The following PTPRD variants were observed in gnomAD, a reference collection of about 807,000 sequenced individuals.
PTPRD encodes protein tyrosine phosphatase receptor type D.
PTPRD carries 34 observed loss-of-function variants against 214.5 expected under a neutral mutation model. The ratio of observed to expected loss-of-function variants is 0.16; its 90% CI spans 0.12 to 0.21. The LOEUF (loss-of-function observed/expected upper bound fraction) is 0.21. PTPRD is among the 10% of genes least tolerant of loss of function. The pLI, the probability that PTPRD is intolerant of heterozygous loss-of-function variation, is 1.00. For synonymous variants in PTPRD, 1,128 were observed against 845.7 expected, an observed-to-expected ratio of 1.33 and a Z score of -5.79; for missense variants, 2,545 against 2,398.7, an observed-to-expected ratio of 1.06 and a Z score of -1.27.
chr9:10,472,925 G>C (rs537792702), intron 2 of PTPRD, among the ~76,000 whole-genome samples: 2 of 151,964 alleles, frequency 1.3e-5, no homozygotes, highest in African/African-American at 2.4e-5. Flanking sequence ...TTAAAAGTGA[G>C]TTAAGCAAGA....
intron 2 of PTPRD, among the ~76,000 whole-genome samples, chr9:10,544,283 G>C (rs1271465033): frequency 1.3e-5 from 2 of 152,006 alleles, no homozygotes; most frequent in Admixed American, 6.6e-5. Context: ...AGTTTCATAA[G>C]ATAGTCTAAA....
chr9:10,604,403 G>C (rs543666256), intron 2 of PTPRD, among the ~76,000 whole-genome samples: 7 of 151,720 alleles, frequency 4.6e-5, no homozygotes, highest in Non-Finnish European at 1.0e-4. Flanking sequence ...ATTAAATCCT[G>C]GCATGTTTTC....
chr9:10,588,774 CT>C (rs112759571), intron 2 of PTPRD, among the ~76,000 whole-genome samples: 3,272 of 152,026 alleles, frequency 0.022, 119 homozygotes, highest in African/African-American at 0.074. Flanking sequence ...TCAAATGCCT[CT>C]TTATTAGCAA....
intron 3 of PTPRD, among the ~76,000 whole-genome samples, chr9:10,182,674 T>A (rs909461390): frequency 7.1e-4 from 108 of 152,286 alleles, no homozygotes; most frequent in African/African-American, 2.4e-3. Context: ...AACACTTGAT[T>A]TCACTTTATA....
chr9:8,657,702 C>G (rs753903148), intron 12 of PTPRD, among the ~76,000 whole-genome samples: 3 of 152,122 alleles, frequency 2.0e-5, no homozygotes, highest in African/African-American at 7.2e-5. Flanking sequence ...ATCATGAAAT[C>G]TTTGCCCGTG....
In PTPRD at chr9:9,723,293, A is replaced by G. The variant is rs571362171; in HGVS notation, c.-287+11240T>C. ...AAAATATTACTTTCTCCATTGGGTT[A>G]TCTTGGCACCTTTGTCAAAGATCAG... On this transcript the variant is annotated intron_variant, in intron 7 of 45. Coordinates refer to ENST00000381196, the MANE Select transcript of PTPRD (RefSeq NM_002839.4). Among the ~76,000 whole-genome samples the G allele has an allele frequency of 2.6e-4, 40 of 152,182 alleles. 1 individual carries two copies. The South Asian group carries it at 8.1e-3, about 31-fold the overall frequency.
chr9:8,418,748 A>G (rs2094138201), intron 35 of PTPRD, among the ~76,000 whole-genome samples: 1 of 152,074 alleles, frequency 6.6e-6, no homozygotes, highest in African/African-American at 2.4e-5. Context: ...ATAGCTGTAA[A>G]TTCATAGACT....
At chr9:10,583,687 T>C (rs200889801) in intron 2 of PTPRD, among the ~76,000 whole-genome samples, 1 of 151,768 alleles carries the variant, frequency 6.6e-6, no homozygotes, top group Non-Finnish European at 1.5e-5. Context: ...ACCATGTTAG[T>C]CAGGATGGTC....
At chr9:8,778,865 C>G (rs1278776956) in intron 11 of PTPRD, among the ~76,000 whole-genome samples, 1 of 152,006 alleles carries the variant, frequency 6.6e-6, no homozygotes, top group South Asian at 2.1e-4. Context: ...AGTGAAGTAA[C>G]ACATGTAAAG....
chr9:8,507,162 G>T, intron 22 of PTPRD, 139 bp downstream of exon 22: 2 of 954,370 alleles, frequency 2.1e-6, no homozygotes, highest in Non-Finnish European at 1.4e-6. Flanking sequence ...GGGGAGTCAA[G>T]TTCCTCTTTT....
At chr9:10,079,238 A>C (rs529862865) in intron 3 of PTPRD, among the ~76,000 whole-genome samples, 2 of 152,194 alleles carry the variant, frequency 1.3e-5, no homozygotes, top group African/African-American at 2.4e-5. Context: ...CTGACTGTCT[A>C]ATCTAGGCTG....
chr9:8,376,552 G>A, intron 38 of PTPRD, 55 bp downstream of exon 38: 2 of 1,608,260 alleles, frequency 1.2e-6, no homozygotes, highest in Non-Finnish European at 1.7e-6. Flanking sequence ...CTCAAAAGAA[G>A]CTTTCTTTAA....
intron 31 of PTPRD, 62 bp downstream of exon 31, chr9:8,470,933 G>C (rs2134919060): frequency 1.4e-6 from 2 of 1,455,774 alleles, no homozygotes; most frequent in Admixed American, 3.4e-5. Flanking sequence ...CCAAGGGAGG[G>C]GGGCGGAAAT....
intron 10 of PTPRD, among the ~76,000 whole-genome samples, chr9:9,128,280 G>C (rs943120415): frequency 6.6e-6 from 1 of 152,020 alleles, no homozygotes. Flanking sequence ...AAATATTTAG[G>C]TCATTAGCTC....
At chr9:10,132,180 G>T (rs114182359) in intron 3 of PTPRD, among the ~76,000 whole-genome samples, 2,942 of 151,888 alleles carry the variant, frequency 0.019, 83 homozygotes, top group African/African-American at 0.066. Flanking sequence ...AGATTATGAA[G>T]TTAAAAAAAA....
chr9:8,997,463 G>C (rs2099401425), intron 11 of PTPRD, among the ~76,000 whole-genome samples: 1 of 152,026 alleles, frequency 6.6e-6, no homozygotes. Flanking sequence ...TTGTTATCTA[G>C]TTGTTGTGGG....
intron 12 of PTPRD, among the ~76,000 whole-genome samples, chr9:8,671,077 C>A (rs530447025): frequency 6.6e-6 from 1 of 151,960 alleles, no homozygotes; most frequent in Admixed American, 6.6e-5. Context: ...TCCATTTCTA[C>A]CTATACAGTG....
chr9:10,537,573 G>A (rs987262956), intron 2 of PTPRD, among the ~76,000 whole-genome samples: 3 of 151,916 alleles, frequency 2.0e-5, no homozygotes, highest in African/African-American at 7.3e-5. Context: ...GTTTTTTCTT[G>A]AACTGTCAAA....
At chr9:8,480,303 T>C (rs1309125345) in intron 30 of PTPRD, among the ~76,000 whole-genome samples, 1 of 152,162 alleles carries the variant, frequency 6.6e-6, no homozygotes, top group Non-Finnish European at 1.5e-5. Flanking sequence ...CCCAGCTAAC[T>C]TCCTGTCACT....
Sources: allele counts gnomAD v4.1 joint callset (sites outside exome capture counted in the v4.1 genomes callset), GRCh38; gene constraint gnomAD v4.1.1; transcripts MANE v1.5; gene names NCBI Gene and HGNC (gene_info 2026-07-23, HGNC 2026-07-21).